CNTN5: variants seen among roughly 807,000 people sequenced by gnomAD.
The protein encoded by CNTN5 is contactin 5.
A neutral mutation model predicts 129.1 loss-of-function variants in CNTN5; 77 were observed. The observed-to-expected ratio is 0.60, with a 90% CI of 0.50 to 0.72. The LOEUF is 0.72. Ranked by LOEUF, CNTN5 falls within the 30% of genes least tolerant of loss-of-function variation. The pLI is 0.00. For missense variants in CNTN5, 1,478 were observed against 1,328.8 expected (o/e 1.11, Z -1.75); for synonymous variants, 509 against 465.6 (o/e 1.09, Z -1.20).
At chr11:99,620,025 C>CA (rs779644229) in intron 3 of CNTN5, among the ~76,000 whole-genome samples, 20,360 of 67,828 alleles carry the variant, frequency 0.3, 2,085 homozygotes, top group East Asian at 0.47. Flanking sequence ...GACTCCGTCT[C>CA]AAAAAAAAAA....
intron 7 of CNTN5, among the ~76,000 whole-genome samples, chr11:99,948,585 A>G (rs1177677381): frequency 6.6e-6 from 1 of 152,194 alleles, no homozygotes; most frequent in African/African-American, 2.4e-5. Context: ...TGAAACCACT[A>G]TTCACCAGGT....
intron 1 of CNTN5, among the ~76,000 whole-genome samples, chr11:99,095,653 G>A (rs926728202): frequency 6.6e-6 from 1 of 151,820 alleles, no homozygotes; most frequent in Non-Finnish European, 1.5e-5. Flanking sequence ...AGATGTAGGT[G>A]CCTGTGTATA....
At chr11:100,271,451 T>C (rs987809882) in intron 18 of CNTN5, among the ~76,000 whole-genome samples, 2 of 152,208 alleles carry the variant, frequency 1.3e-5, no homozygotes, top group African/African-American at 4.8e-5. Flanking sequence ...AATACAGTCA[T>C]CTAAATGCTT....
At chr11:100,161,171 AT>A (rs1947432639) in intron 13 of CNTN5, among the ~76,000 whole-genome samples, 1 of 151,766 alleles carries the variant, frequency 6.6e-6, no homozygotes, top group Admixed American at 6.6e-5. Flanking sequence ...AACCAATACA[AT>A]TTTCTTTACT....
intron 1 of CNTN5, among the ~76,000 whole-genome samples, chr11:99,230,022 T>A (rs1032986954): frequency 6.6e-6 from 1 of 152,122 alleles, no homozygotes; most frequent in African/African-American, 2.4e-5. Flanking sequence ...ATAAATGATA[T>A]GCTTCCATTG....
intron 3 of CNTN5, among the ~76,000 whole-genome samples, chr11:99,613,127 A>T (rs1950640866): frequency 2.0e-5 from 3 of 152,314 alleles, no homozygotes; most frequent in African/African-American, 7.2e-5. Flanking sequence ...AAAAAGCCAA[A>T]GGAGGATGAT....
At chr11:99,057,198 G>A (rs575352912) in intron 1 of CNTN5, among the ~76,000 whole-genome samples, 2 of 151,900 alleles carry the variant, frequency 1.3e-5, no homozygotes, top group South Asian at 4.1e-4. Flanking sequence ...GTTGCCTTCA[G>A]TGAGCCAGAT....
intron 1 of CNTN5, among the ~76,000 whole-genome samples, chr11:99,125,182 T>G (rs1858561504): frequency 6.6e-6 from 1 of 152,024 alleles, no homozygotes; most frequent in Non-Finnish European, 1.5e-5. Context: ...TTAAGACCAG[T>G]ATTCTTGATG....
intron 3 of CNTN5, among the ~76,000 whole-genome samples, chr11:99,613,918 A>T (rs1042102566): frequency 1.3e-5 from 2 of 152,208 alleles, no homozygotes; most frequent in African/African-American, 4.8e-5. Context: ...TAAAATCTAG[A>T]TTTTGCTAAA....
chr11:99,316,502 T>C (rs1591513033), intron 1 of CNTN5, among the ~76,000 whole-genome samples: 2 of 152,178 alleles, frequency 1.3e-5, no homozygotes, highest in Admixed American at 1.3e-4. Context: ...ACTCATAGAG[T>C]GATGAAAATA....
intron 9 of CNTN5, among the ~76,000 whole-genome samples, chr11:100,051,331 A>G (rs1942943301): frequency 6.6e-6 from 1 of 152,078 alleles, no homozygotes; most frequent in South Asian, 2.1e-4. Context: ...TTATGTATCA[A>G]TAACAAAAGA....
intron 6 of CNTN5, among the ~76,000 whole-genome samples, chr11:99,902,449 A>G (rs903788488): frequency 1.3e-5 from 2 of 152,104 alleles, no homozygotes; most frequent in East Asian, 1.9e-4. Context: ...CCCTTCAGTA[A>G]TGTGAGTAAT....
At chr11:99,099,226 G>C (rs1420579347) in intron 1 of CNTN5, among the ~76,000 whole-genome samples, 2 of 152,026 alleles carry the variant, frequency 1.3e-5, no homozygotes, top group African/African-American at 4.8e-5. Flanking sequence ...AATGTCCACT[G>C]TTAATACAGG....
intron 1 of CNTN5, among the ~76,000 whole-genome samples, chr11:99,203,018 G>A: frequency 6.6e-6 from 1 of 151,884 alleles, no homozygotes. Context: ...AGGAAGGAAA[G>A]AAGGCAGGCA....
At chr11:99,408,448 G>GAGAAAGAAAGAAAGAA (rs1555137775) in intron 2 of CNTN5, among the ~76,000 whole-genome samples, 1,863 of 78,004 alleles carry the variant, frequency 0.024, 44 homozygotes, top group Middle Eastern at 0.039. Flanking sequence ...AAGAAAGAAA[G>GAGAAAGAAAGAAAGAA]AGAAAGAAAG....
intron 3 of CNTN5, among the ~76,000 whole-genome samples, chr11:99,653,420 A>AT (rs1952232241): frequency 6.6e-6 from 1 of 152,012 alleles, no homozygotes; most frequent in African/African-American, 2.4e-5. Context: ...ACTAATAAAA[A>AT]TTTTACATGT....
chr11:99,269,091 C>A lies in CNTN5; in HGVS notation c.-209-56255C>A, dbSNP rs1428862273. ...TTATGTTTGTGTTAATTTAACCTGT[C>A]AAAGTTAATCATCCTGTCGAAGTGC... On this transcript the variant is annotated intron_variant, in intron 1 of 24. Coordinates refer to ENST00000524871, the MANE Select transcript of CNTN5 (RefSeq NM_014361.4). Among the ~76,000 whole-genome samples the A allele has an allele frequency of 2.6e-5, 4 of 151,896 alleles. No homozygotes were observed. In the Admixed American group the frequency reaches 2.6e-4, roughly 10 times the overall value.
At chr11:100,318,971 A>G (rs1200004867) in intron 21 of CNTN5, among the ~76,000 whole-genome samples, 1 of 152,190 alleles carries the variant, frequency 6.6e-6, no homozygotes, top group Non-Finnish European at 1.5e-5. Flanking sequence ...TGTACAAATC[A>G]TAAACATATA....
At chr11:99,849,636 A>G (rs941669483) in intron 6 of CNTN5, among the ~76,000 whole-genome samples, 3 of 152,098 alleles carry the variant, frequency 2.0e-5, no homozygotes, top group African/African-American at 4.8e-5. Flanking sequence ...GCTAAACCAG[A>G]TAGTAAAAAA....
Sources: allele counts gnomAD v4.1 joint callset (sites outside exome capture counted in the v4.1 genomes callset), GRCh38; gene constraint gnomAD v4.1.1; transcripts MANE v1.5; gene names NCBI Gene and HGNC (gene_info 2026-07-23, HGNC 2026-07-21).